Variants in MAN2A1 observed in about 807,000 individuals in gnomAD.
MAN2A1 encodes the protein mannosidase alpha class 2A member 1.
In MAN2A1, 76 loss-of-function variants were observed where a neutral mutation model predicts 142.6. That is an observed-to-expected ratio of 0.53 (90% CI 0.44 to 0.65). The LOEUF is 0.65. Ranked by LOEUF, MAN2A1 falls within the 30% of genes least tolerant of loss-of-function variation. The probability of loss-of-function intolerance (pLI) is 0.00; values close to 1 mark genes in which losing one functional copy is unlikely to be tolerated. For synonymous variants in MAN2A1, 559 were observed against 473.2 expected (o/e 1.18, Z -2.35); for missense variants, 1,311 against 1,365.1 (o/e 0.96, Z 0.62).
At chr5:109,815,226 C>T (rs552347108) in intron 12 of MAN2A1, among the ~76,000 whole-genome samples, 55 of 152,086 alleles carry the variant, frequency 3.6e-4, no homozygotes, top group African/African-American at 1.2e-3. Flanking sequence ...AACAGTCAGG[C>T]GAAATGTAAT....
intron 4 of MAN2A1, among the ~76,000 whole-genome samples, chr5:109,750,564 A>G (rs770969004): frequency 1.3e-5 from 2 of 152,116 alleles, no homozygotes; most frequent in Non-Finnish European, 2.9e-5. Context: ...AAAAGAAACT[A>G]TGCTAAGAGG....
intron 3 of MAN2A1, among the ~76,000 whole-genome samples, chr5:109,718,559 C>T (rs771525095): frequency 6.6e-6 from 1 of 152,122 alleles, no homozygotes; most frequent in Non-Finnish European, 1.5e-5. Context: ...GAACATATGC[C>T]TCCTATTAAA....
At chr5:109,735,118 A>G (rs1333835949) in intron 4 of MAN2A1, among the ~76,000 whole-genome samples, 1 of 152,116 alleles carries the variant, frequency 6.6e-6, no homozygotes, top group Non-Finnish European at 1.5e-5. Context: ...TCCCTTTACC[A>G]TTAAGTAATG....
Position 109,867,006 on chromosome 5 carries a change from T to G in MAN2A1, c.*8T>G, listed in dbSNP as rs187699105. ...CGAATCCAGTTGAGGTGAACCTGACTTTCACATTTGGATTGAGAATCATTG... is the reference window on the plus strand; with the variant it reads ...CGAATCCAGTTGAGGTGAACCTGACGTTCACATTTGGATTGAGAATCATTG... On this transcript the variant is annotated 3_prime_UTR_variant, in exon 22 of 22. Coordinates refer to ENST00000261483, the MANE Select transcript of MAN2A1 (RefSeq NM_002372.4). The G allele has an allele frequency of 2.7e-3, 4,303 of 1,606,164 alleles. 14 individuals are homozygous for G. Among genetic ancestry groups the G allele is most frequent in the Non-Finnish European group, 3.3e-3 (3,896 of 1,176,806 alleles).
intron 17 of MAN2A1, among the ~76,000 whole-genome samples, chr5:109,842,806 G>GTTT (rs768238978): frequency 6.9e-5 from 8 of 116,210 alleles, no homozygotes; most frequent in African/African-American, 6.5e-5. Context: ...TACTTATTGG[G>GTTT]TTTTTTTTTT....
chr5:109,715,024 G>A (rs1582816446), intron 2 of MAN2A1, among the ~76,000 whole-genome samples: 1 of 151,878 alleles, frequency 6.6e-6, no homozygotes, highest in Non-Finnish European at 1.5e-5. Context: ...TTGTTGTGTG[G>A]TCTAAATCTG....
intron 4 of MAN2A1, among the ~76,000 whole-genome samples, chr5:109,737,333 A>T (rs975351265): frequency 6.6e-6 from 1 of 151,730 alleles, no homozygotes; most frequent in African/African-American, 2.4e-5. Flanking sequence ...ACCTGCCTTG[A>T]ACTCTGGTCT....
chr5:109,865,195 C>T (rs1755850043), intron 21 of MAN2A1, 49 bp downstream of exon 21: 1 of 1,280,960 alleles, frequency 7.8e-7, no homozygotes, highest in Non-Finnish European at 1.1e-6. Flanking sequence ...CTTTGAAATC[C>T]TCTTTCTGCA....
intron 16 of MAN2A1, among the ~76,000 whole-genome samples, chr5:109,824,725 G>A (rs1355134454): frequency 2.6e-5 from 4 of 152,118 alleles, no homozygotes; most frequent in East Asian, 1.9e-4. Flanking sequence ...AGGTAGGCAC[G>A]GTTTCCTTTT....
chr5:109,832,698 A>G (rs1450043469), intron 16 of MAN2A1, among the ~76,000 whole-genome samples: 1 of 152,142 alleles, frequency 6.6e-6, no homozygotes, highest in Non-Finnish European at 1.5e-5. Flanking sequence ...TACACCTCCC[A>G]GACAGGGTGG....
chr5:109,764,372 T>G (rs1192537767), intron 5 of MAN2A1, among the ~76,000 whole-genome samples: 1 of 152,214 alleles, frequency 6.6e-6, no homozygotes, highest in Non-Finnish European at 1.5e-5. Flanking sequence ...GATAATCTTG[T>G]TCTTGCATGA....
intron 20 of MAN2A1, among the ~76,000 whole-genome samples, chr5:109,858,670 C>T (rs1189918560): frequency 2.6e-5 from 4 of 152,248 alleles, no homozygotes; most frequent in African/African-American, 9.6e-5. Flanking sequence ...TTCCTAACCA[C>T]CACAGTATTT....
chr5:109,867,254 A>G lies in MAN2A1; in HGVS notation c.*256A>G, dbSNP rs1053930845. On this transcript the variant is annotated 3_prime_UTR_variant, in exon 22 of 22. Coordinates refer to ENST00000261483, the MANE Select transcript of MAN2A1 (RefSeq NM_002372.4). ...ACCACCATCAGTATGAATTGATGCAACAAATGAAGAAATATTTAAAGACAG... is the reference window on the plus strand; with the variant it reads ...ACCACCATCAGTATGAATTGATGCAGCAAATGAAGAAATATTTAAAGACAG... 2 of 261,102 alleles carry G rather than the reference A, an allele frequency of 7.7e-6. No individual in the cohort carries two copies. The highest frequency in any genetic ancestry group is 5.3e-5 in the Admixed American group (1 of 18,938). 16.2% of individuals were successfully genotyped at this position (261,102 alleles called of 1,614,324 possible). A position where few individuals can be genotyped will look rare whatever the true frequency, so the allele number is the denominator to read the frequency against.
At chr5:109,864,100 G>A (rs544808375) in intron 20 of MAN2A1, 54 of 152,298 alleles carry the variant, frequency 3.5e-4, no homozygotes, top group African/African-American at 9.1e-4. Flanking sequence ...ATGATCAGGC[G>A]TTTGGGCATA....
At chr5:109,738,256 T>G (rs546521911) in intron 4 of MAN2A1, among the ~76,000 whole-genome samples, 2 of 150,010 alleles carry the variant, frequency 1.3e-5, no homozygotes, top group East Asian at 3.9e-4. Flanking sequence ...TTTTTTCCAT[T>G]CTTGCCTGAT....
chr5:109,730,374 C>T (rs1751869428), intron 4 of MAN2A1, among the ~76,000 whole-genome samples: 1 of 151,728 alleles, frequency 6.6e-6, no homozygotes, highest in African/African-American at 2.4e-5. Context: ...TTTTTATTTT[C>T]ATCTTTTAGT....
At chr5:109,850,157 A>G (rs1472806723) in intron 19 of MAN2A1, among the ~76,000 whole-genome samples, 1 of 152,176 alleles carries the variant, frequency 6.6e-6, no homozygotes, top group Admixed American at 6.6e-5. Context: ...AGAGTGGGGA[A>G]TGTGCCTTTC....
intron 12 of MAN2A1, among the ~76,000 whole-genome samples, chr5:109,802,567 A>G (rs1754059997): frequency 6.6e-6 from 1 of 152,174 alleles, no homozygotes; most frequent in African/African-American, 2.4e-5. Context: ...TGATTCTTCT[A>G]AATGGCATTG....
intron 3 of MAN2A1, among the ~76,000 whole-genome samples, chr5:109,723,782 T>C (rs1445838928): frequency 6.6e-6 from 1 of 152,224 alleles, no homozygotes; most frequent in African/African-American, 2.4e-5. Context: ...ACCAACTTCC[T>C]GTCTTTTCCA....
Sources: gnomAD v4.1 joint callset for allele counts (sites outside exome capture counted in the v4.1 genomes callset) on GRCh38, gnomAD v4.1.1 for gene constraint, MANE v1.5 for transcripts, NCBI Gene and HGNC (gene_info 2026-07-23, HGNC 2026-07-21) for gene names.